The following PLCH1 variants were observed in gnomAD, a reference collection of about 807,000 sequenced individuals.
PLCH1 encodes the protein 1-phosphatidylinositol 4,5-bisphosphate phosphodiesterase eta-1.
Under a neutral mutation model 126.7 loss-of-function variants are expected in PLCH1, and 60 were observed. The ratio of observed to expected loss-of-function variants is 0.47; its 90% CI spans 0.38 to 0.59. The LOEUF (loss-of-function observed/expected upper bound fraction) is 0.59, where lower values mean the gene tolerates loss of function less well. Ranked by LOEUF, PLCH1 falls within the 20% of genes least tolerant of loss-of-function variation. PLCH1 has a pLI of 0.00. For missense variants in PLCH1, 1,723 were observed against 2,040.0 expected, an observed-to-expected ratio of 0.84 and a Z score of 2.99; for synonymous variants, 719 against 734.9, an observed-to-expected ratio of 0.98 and a Z score of 0.35.
chr3:155,664,511 C>G (rs529184686), intron 2 of PLCH1, among the ~76,000 whole-genome samples: 2 of 152,194 alleles, frequency 1.3e-5, no homozygotes, highest in Non-Finnish European at 2.9e-5. Context: ...GTGGCAATCA[C>G]TTTTGCATGC....
chr3:155,481,913 C>G lies in PLCH1; in HGVS notation c.4113G>C (p.Glu1371Asp). 1 of 1,614,112 alleles carries G rather than the reference C, an allele frequency of 6.2e-7. No homozygotes were observed. Among genetic ancestry groups the G allele is most frequent in the Non-Finnish European group, 8.5e-7 (1 of 1,179,980 alleles). Residue 1371 changes from glutamate (E) to aspartate (D), a missense_variant, in exon 23 of 23, where the codon GAG (glutamate) becomes GAC (aspartate). Transcript: ENST00000460012. The surrounding 1 kb of genome is among the most constrained non-coding windows in gnomAD (Gnocchi z 4.2). ...AAGGAGAAGCAAGTTGACTTGTGCC[C>G]TCTCTCCTATATTCACAGGTTGTTA... ...LSLTTCEYRR[E>D]GTSQLASPLK...
chr3:155,501,069 GC>G (rs1717817804), intron 13 of PLCH1, among the ~76,000 whole-genome samples: 2 of 152,160 alleles, frequency 1.3e-5, no homozygotes, highest in Admixed American at 6.5e-5. Flanking sequence ...TATTAGTCAT[GC>G]ATTTTGAAGG....
intron 10 of PLCH1, among the ~76,000 whole-genome samples, chr3:155,542,342 C>T (rs570984437): frequency 2.0e-5 from 3 of 152,302 alleles, no homozygotes; most frequent in East Asian, 1.9e-4. Flanking sequence ...GAGGGGAGCC[C>T]GCCATTGCCC....
intron 2 of PLCH1, among the ~76,000 whole-genome samples, chr3:155,696,971 G>A (rs956148055): frequency 5.3e-5 from 8 of 152,136 alleles, no homozygotes; most frequent in Admixed American, 1.3e-4. Context: ...ATCCACCTGG[G>A]CTTCCCATAC....
chr3:155,540,377 A>G (rs1033114179), intron 10 of PLCH1, among the ~76,000 whole-genome samples: 6 of 152,158 alleles, frequency 3.9e-5, no homozygotes, highest in African/African-American at 1.4e-4. Flanking sequence ...TAACAAAAAC[A>G]AAGATAAAGA....
intron 2 of PLCH1, among the ~76,000 whole-genome samples, chr3:155,626,543 G>A (rs1315052790): frequency 1.3e-5 from 2 of 152,136 alleles, no homozygotes; most frequent in East Asian, 3.9e-4. Flanking sequence ...GCCAAGGCGG[G>A]TGGTTCACGA....
chr3:155,613,841 C>T (rs759157836), intron 2 of PLCH1, among the ~76,000 whole-genome samples: 48 of 151,996 alleles, frequency 3.2e-4, no homozygotes, highest in Non-Finnish European at 6.0e-4. Context: ...CATCCAAATC[C>T]GTAAAGAGGA....
At chr3:155,544,518 A>G (rs1200404651) in intron 10 of PLCH1, among the ~76,000 whole-genome samples, 1 of 152,208 alleles carries the variant, frequency 6.6e-6, no homozygotes, top group African/African-American at 2.4e-5. Flanking sequence ...AATTGAAGTC[A>G]GCTCTGCACC....
rs535908017 is a variant in PLCH1, at chr3:155,537,202, C to CAAAA, written c.1362+12581_1362+12584dup. ...CTAGCACTACAAAAAAAAAAAAAAC[C>CAAAA]AAAAAAAAAAAAAAAAAAAAAAAAA... On this transcript the variant is annotated intron_variant, in intron 10 of 22. Coordinates refer to ENST00000460012, the MANE Select transcript of PLCH1 (RefSeq NM_014996.4). Among the ~76,000 whole-genome samples, 66 of 10,386 alleles carry CAAAA rather than the reference C, an allele frequency of 6.4e-3. 4 individuals carry two copies. Among genetic ancestry groups the CAAAA allele is most frequent in the East Asian group, 0.013 (11 of 834 alleles). The allele number at this position is 10,386 out of a possible 152,430, so 6.8% of individuals were successfully genotyped here.
intron 21 of PLCH1, among the ~76,000 whole-genome samples, chr3:155,454,139 T>C (rs1456227638): frequency 6.6e-6 from 1 of 152,212 alleles, no homozygotes; most frequent in Non-Finnish European, 1.5e-5. Flanking sequence ...TATTAATTCA[T>C]ATAATCTTCA....
At chr3:155,607,485 G>A (rs1009246275) in intron 2 of PLCH1, among the ~76,000 whole-genome samples, 10 of 151,872 alleles carry the variant, frequency 6.6e-5, no homozygotes, top group African/African-American at 2.4e-4. Flanking sequence ...TTGTCACCCA[G>A]GCTGGAGTGC....
chr3:155,477,523 T>C (rs1020778972), downstream of PLCH1, among the ~76,000 whole-genome samples: 2 of 152,056 alleles, frequency 1.3e-5, no homozygotes, highest in South Asian at 4.1e-4. Flanking sequence ...AACCAGAATA[T>C]ATAAGGAACT....
At chr3:155,667,975 C>T (rs1742959231) in intron 2 of PLCH1, among the ~76,000 whole-genome samples, 1 of 147,454 alleles carries the variant, frequency 6.8e-6, no homozygotes, top group African/African-American at 2.5e-5. Context: ...ATCCCAGCTA[C>T]TCAGGAGGCT....
chr3:155,612,211 C>G (rs1053533363), intron 2 of PLCH1, among the ~76,000 whole-genome samples: 1 of 151,768 alleles, frequency 6.6e-6, no homozygotes, highest in Admixed American at 6.6e-5. Flanking sequence ...TGCCTGTAAT[C>G]CCAGCCACTC....
intron 1 of PLCH1, among the ~76,000 whole-genome samples, chr3:155,717,675 A>G (rs1365226393): frequency 1.3e-5 from 2 of 152,248 alleles, no homozygotes; most frequent in African/African-American, 4.8e-5. Flanking sequence ...CCAAGACTGC[A>G]CAGAACAGCA....
chr3:155,566,362 CACACATATAT>C (rs1214708617), intron 7 of PLCH1, among the ~76,000 whole-genome samples: 2 of 138,120 alleles, frequency 1.4e-5, no homozygotes, highest in African/African-American at 2.7e-5. Context: ...CATATATATA[CACACATATAT>C]ATATGTGTGT....
At chr3:155,515,152 T>G (rs1720145350) in intron 11 of PLCH1, among the ~76,000 whole-genome samples, 1 of 152,240 alleles carries the variant, frequency 6.6e-6, no homozygotes, top group African/African-American at 2.4e-5. Context: ...AGTATTATTA[T>G]CATTTCCATT....
rs752115761 is a variant in PLCH1, at chr3:155,494,537, A to G, written c.1895-20T>C. ...TGGTTCCTGGCAGTTTTTAATCGAG[A>G]AAAAAGGAAGTGAGAACTACAGCAA... On this transcript the variant is annotated intron_variant, in intron 15 of 22. Coordinates refer to ENST00000460012, the MANE Select transcript of PLCH1 (RefSeq NM_014996.4). The G allele has an allele frequency of 1.4e-6, 2 of 1,456,026 alleles. No homozygotes were observed. The highest frequency in any genetic ancestry group is 2.3e-5 in the South Asian group (2 of 85,992). The allele number at this position is 1,456,026 out of a possible 1,614,324, so 90.2% of individuals were successfully genotyped here.
intron 2 of PLCH1, among the ~76,000 whole-genome samples, chr3:155,639,829 A>T (rs1014504250): frequency 6.6e-6 from 1 of 152,160 alleles, no homozygotes; most frequent in Non-Finnish European, 1.5e-5. Flanking sequence ...TGACTGAGTC[A>T]TGGGGGTGGA....
Sources: gnomAD v4.1 joint callset for allele counts (sites outside exome capture counted in the v4.1 genomes callset) on GRCh38, gnomAD v4.1.1 for gene constraint, Gnocchi (gnomAD v3.1) non-coding constraint, MANE v1.5 for transcripts, NCBI Gene and HGNC (gene_info 2026-07-23, HGNC 2026-07-21) for gene names.